The following GPM6A variants were observed in gnomAD, a reference collection of about 807,000 sequenced individuals.
GPM6A encodes neuronal membrane glycoprotein M6-a.
A neutral mutation model predicts 32.1 loss-of-function variants in GPM6A; 7 were observed. The ratio of observed to expected loss-of-function variants is 0.22; its 90% CI spans 0.12 to 0.41. GPM6A has a LOEUF of 0.41. Among genes scored for constraint, GPM6A ranks in the 10% least tolerant of loss-of-function variants. The probability of loss-of-function intolerance (pLI) is 1.00; values close to 1 mark genes in which losing one functional copy is unlikely to be tolerated. For synonymous variants in GPM6A, 130 were observed against 123.4 expected (o/e 1.05, Z -0.35); for missense variants, 235 against 347.2 (o/e 0.68, Z 2.57).
chr4:175,933,396 G>A (rs187675380), intron 1 of GPM6A, among the ~76,000 whole-genome samples: 120 of 152,268 alleles, frequency 7.9e-4, no homozygotes, highest in Admixed American at 2.6e-3. Context: ...CACTGCTGTT[G>A]AGGATGTACA....
intron 1 of GPM6A, among the ~76,000 whole-genome samples, chr4:175,899,433 A>AATTGTTTTGTAC (rs1737886511): frequency 6.6e-6 from 1 of 152,196 alleles, no homozygotes; most frequent in Non-Finnish European, 1.5e-5. Context: ...CCATTTAAAA[A>AATTGTTTTGTAC]TAAGACAGTG....
intron 6 of GPM6A, among the ~76,000 whole-genome samples, chr4:175,638,746 T>G (rs555840862): frequency 2.4e-4 from 36 of 152,272 alleles, no homozygotes; most frequent in African/African-American, 8.4e-4. Context: ...TACCTGGGTA[T>G]ATATTGCTTG....
At chr4:175,823,745 A>C (rs976590636) in intron 1 of GPM6A, among the ~76,000 whole-genome samples, 2 of 152,206 alleles carry the variant, frequency 1.3e-5, no homozygotes, top group African/African-American at 4.8e-5. Context: ...TGGATGAAAA[A>C]AATACATTAA....
chr4:175,845,561 A>G (rs1025027880), intron 1 of GPM6A, among the ~76,000 whole-genome samples: 1 of 152,150 alleles, frequency 6.6e-6, no homozygotes, highest in Non-Finnish European at 1.5e-5. Context: ...CTTACTGATT[A>G]TAACTACATT....
intron 1 of GPM6A, among the ~76,000 whole-genome samples, chr4:175,772,207 T>C (rs776077493): frequency 2.8e-4 from 43 of 152,196 alleles, no homozygotes; most frequent in Non-Finnish European, 3.8e-4. Flanking sequence ...CAATCACAAT[T>C]TATTATCAGT....
At chr4:175,801,492 G>C (rs1734470097) in intron 1 of GPM6A, among the ~76,000 whole-genome samples, 1 of 151,958 alleles carries the variant, frequency 6.6e-6, no homozygotes, top group South Asian at 2.1e-4. Flanking sequence ...TAGACTTTAA[G>C]AAATAAATCT....
chr4:175,960,727 C>G (rs1740137685), intron 1 of GPM6A: 1 of 152,098 alleles, frequency 6.6e-6, no homozygotes, highest in African/African-American at 2.4e-5. Context: ...GCTTCTGACC[C>G]TAAATAAGAC....
At chr4:175,888,570 T>A (rs1737536266) in intron 1 of GPM6A, among the ~76,000 whole-genome samples, 1 of 152,066 alleles carries the variant, frequency 6.6e-6, no homozygotes, top group Non-Finnish European at 1.5e-5. Flanking sequence ...GAATATAAGA[T>A]CAATATATGA....
At position 175,976,328 on chromosome 4, in the gene GPM6A, A is replaced by ATTTTTTTTTTTTTTTTTTTTTTTTT. The variant is rs34163669; in HGVS notation, c.-23+25980_-23+25981insAAAAAAAAAAAAAAAAAAAAAAAAA. Among the ~76,000 whole-genome samples the ATTTTTTTTTTTTTTTTTTTTTTTTT allele has an allele frequency of 1.5e-4, 20 of 137,346 alleles. 1 individual carries two copies. The highest frequency in any genetic ancestry group is 6.0e-4 in the African/African-American group (20 of 33,074). The allele number at this position is 137,346 out of a possible 152,430, so 90.1% of individuals were successfully genotyped here. ...AGGCGCCTGCCACCACGCCTGGCTAATTTTTTTTTTTGTATTTTTAGTAGA... is the reference window on the plus strand; with the variant it reads ...AGGCGCCTGCCACCACGCCTGGCTAATTTTTTTTTTTTTTTTTTTTTTTTTTTTTTTTTTTTGTATTTTTAGTAGA... On this transcript the variant is annotated intron_variant, in intron 1 of 7. Coordinates refer to the GPM6A transcript ENST00000280187.
chr4:175,729,590 G>A (rs190033105), intron 1 of GPM6A, among the ~76,000 whole-genome samples: 1 of 151,922 alleles, frequency 6.6e-6, no homozygotes, highest in South Asian at 2.1e-4. Flanking sequence ...ATAACTAAAA[G>A]AGTATAAGTG....
At chr4:175,997,768 C>T (rs1741353766) in intron 1 of GPM6A, among the ~76,000 whole-genome samples, 1 of 152,152 alleles carries the variant, frequency 6.6e-6, no homozygotes, top group Non-Finnish European at 1.5e-5. Flanking sequence ...TAACCAACTC[C>T]ATTGTTACTC....
At chr4:175,697,626 TTC>T (rs889268607) in intron 2 of GPM6A, among the ~76,000 whole-genome samples, 29 of 152,254 alleles carry the variant, frequency 1.9e-4, no homozygotes, top group African/African-American at 7.0e-4. Context: ...GATTAAAAGC[TTC>T]TGGGGAAGAA....
At chr4:175,755,041 C>A (rs1732476096) in intron 1 of GPM6A, among the ~76,000 whole-genome samples, 1 of 149,994 alleles carries the variant, frequency 6.7e-6, no homozygotes, top group South Asian at 2.1e-4. Flanking sequence ...AGAAAAAAAT[C>A]TTCAAAAAAA....
chr4:175,979,974 A>G (rs76308148), intron 1 of GPM6A, among the ~76,000 whole-genome samples: 3,095 of 152,326 alleles, frequency 0.02, 61 homozygotes, highest in African/African-American at 0.048. Flanking sequence ...TATTTCATCC[A>G]GTAATGAAAT....
At chr4:175,757,036 A>C (rs1732554923) in intron 1 of GPM6A, among the ~76,000 whole-genome samples, 1 of 152,082 alleles carries the variant, frequency 6.6e-6, no homozygotes. Context: ...GATGACTCCC[A>C]GGGATGCTTG....
intron 6 of GPM6A, among the ~76,000 whole-genome samples, chr4:175,636,293 T>TATAC (rs1553967486): frequency 7.6e-6 from 1 of 130,906 alleles, no homozygotes; most frequent in Non-Finnish European, 1.6e-5. Flanking sequence ...TATATATATA[T>TATAC]ATATACATAT....
At chr4:175,807,542 A>C (rs1427441437) in intron 1 of GPM6A, 2 of 152,236 alleles carry the variant, frequency 1.3e-5, no homozygotes, top group Non-Finnish European at 2.9e-5. Flanking sequence ...GAGCATACTG[A>C]GAGTCATCTT....
At chr4:175,670,820 TATTG>T (rs958942857) in intron 3 of GPM6A, among the ~76,000 whole-genome samples, 3 of 151,950 alleles carry the variant, frequency 2.0e-5, no homozygotes, top group African/African-American at 7.2e-5. Flanking sequence ...GTAAAGGGAA[TATTG>T]ATTATCACTC....
intron 2 of GPM6A, among the ~76,000 whole-genome samples, chr4:175,688,129 T>C (rs1256140605): frequency 6.6e-6 from 1 of 152,210 alleles, no homozygotes; most frequent in Non-Finnish European, 1.5e-5. Flanking sequence ...GTAAATATTT[T>C]ATCTCATTCT....
Sources: gnomAD v4.1 joint callset for allele counts (sites outside exome capture counted in the v4.1 genomes callset) on GRCh38, gnomAD v4.1.1 for gene constraint, MANE v1.5 for transcripts, NCBI Gene and HGNC (gene_info 2026-07-23, HGNC 2026-07-21) for gene names.